The following STRBP variants were observed in gnomAD, a reference collection of about 807,000 sequenced individuals.
STRBP encodes the protein spermatid perinuclear RNA binding protein.
Under a neutral mutation model 80.1 loss-of-function variants are expected in STRBP, and 13 were observed. That is an observed-to-expected ratio of 0.16 (90% confidence interval 0.11 to 0.26). The LOEUF is 0.26. STRBP is among the 10% of genes least tolerant of loss of function. The pLI is 1.00. For synonymous variants in STRBP, 284 were observed against 291.2 expected (o/e 0.98, Z 0.25); for missense variants, 485 against 815.2 (o/e 0.59, Z 4.93).
At chr9:123,202,444 T>C (rs886522566) in intron 2 of STRBP, among the ~76,000 whole-genome samples, 11 of 152,234 alleles carry the variant, frequency 7.2e-5, no homozygotes, top group Non-Finnish European at 1.3e-4. Context: ...AAAATGACTT[T>C]ATTTCTCCTT....
intron 13 of STRBP, among the ~76,000 whole-genome samples, chr9:123,141,914 T>TA (rs2036605783): frequency 6.6e-6 from 1 of 152,212 alleles, no homozygotes; most frequent in Non-Finnish European, 1.5e-5. Context: ...CTGCAACTGA[T>TA]AAAGATTCTC....
At chr9:123,214,100 C>A (rs927027976) in intron 2 of STRBP, among the ~76,000 whole-genome samples, 13 of 150,056 alleles carry the variant, frequency 8.7e-5, no homozygotes, top group Non-Finnish European at 4.4e-5. Flanking sequence ...AAATGCCCAT[C>A]AATCAATGAG....
At chr9:123,132,395 T>G (rs555194390) in intron 17 of STRBP, among the ~76,000 whole-genome samples, 20 of 152,286 alleles carry the variant, frequency 1.3e-4, no homozygotes, top group African/African-American at 4.8e-4. Context: ...ATAAATTTTT[T>G]TTCCTTTGTG....
intron 2 of STRBP, among the ~76,000 whole-genome samples, chr9:123,201,380 T>A (rs2132509729): frequency 6.6e-6 from 1 of 152,358 alleles, no homozygotes; most frequent in Non-Finnish European, 1.5e-5. Context: ...GCTTTTGCTG[T>A]ATCCCAAAGG....
intron 2 of STRBP, among the ~76,000 whole-genome samples, chr9:123,211,115 C>T (rs2000243): frequency 0.38 from 58,308 of 151,890 alleles, 18,226 homozygotes; most frequent in African/African-American, 0.83. Context: ...CTGTTCACAA[C>T]AGCAAAAACC....
intron 4 of STRBP, among the ~76,000 whole-genome samples, chr9:123,176,837 T>G (rs911715520): frequency 1.4e-4 from 22 of 152,210 alleles, no homozygotes; most frequent in African/African-American, 5.3e-4. Context: ...TTACTATATG[T>G]GAATTTAAAA....
intron 17 of STRBP, 142 bp from the exon 18 acceptor site, chr9:123,128,400 T>TA: frequency 1.1e-6 from 1 of 906,484 alleles, no homozygotes; most frequent in Non-Finnish European, 1.8e-6. Context: ...ACTGCCAGAA[T>TA]GGTCCCAGTC....
chr9:123,225,128 C>T (rs1317424870), intron 2 of STRBP, among the ~76,000 whole-genome samples: 1 of 152,092 alleles, frequency 6.6e-6, no homozygotes, highest in African/African-American at 2.4e-5. Flanking sequence ...CTAGTCAAAA[C>T]CAGTGATTCA....
intron 2 of STRBP, among the ~76,000 whole-genome samples, chr9:123,201,442 T>C (rs2039322477): frequency 6.6e-6 from 1 of 152,320 alleles, no homozygotes; most frequent in East Asian, 1.9e-4. Context: ...TTTTAAAATT[T>C]CCATCTTGGT....
intron 1 of STRBP, among the ~76,000 whole-genome samples, chr9:123,247,497 G>A (rs957475613): frequency 6.6e-6 from 1 of 152,116 alleles, no homozygotes; most frequent in Non-Finnish European, 1.5e-5. Flanking sequence ...TCGAACTCCA[G>A]ACCTCAGGTG....
chr9:123,160,049 G>C (rs540212922), intron 8 of STRBP, among the ~76,000 whole-genome samples: 1 of 152,142 alleles, frequency 6.6e-6, no homozygotes, highest in African/African-American at 2.4e-5. Flanking sequence ...GTGGGCAGCA[G>C]GTGAACACTA....
chr9:123,131,110 C>G (rs1389110844), intron 17 of STRBP, among the ~76,000 whole-genome samples: 1 of 152,128 alleles, frequency 6.6e-6, no homozygotes, highest in Non-Finnish European at 1.5e-5. Context: ...ATGCTAGAAC[C>G]ATTTGAACTC....
chr9:123,157,127 G>A (rs1178011454), intron 11 of STRBP, among the ~76,000 whole-genome samples: 3 of 152,120 alleles, frequency 2.0e-5, no homozygotes, highest in Non-Finnish European at 4.4e-5. Flanking sequence ...TGGAACCCAG[G>A]TCATACTGAG....
rs1349693950 is a variant in STRBP, at chr9:123,126,074, C to T, written c.1943-401G>A. Among the ~76,000 whole-genome samples, 1 of 152,238 alleles carries T rather than the reference C, an allele frequency of 6.6e-6. No homozygotes were observed. The highest frequency in any genetic ancestry group is 6.5e-5 in the Admixed American group (1 of 15,290). ...TTCAAAGCATAGCTTTCCATGCAGA[C>T]CTCAGCTCCAGCTGGAGCCATGGCC... On this transcript the variant is annotated intron_variant, in intron 18 of 18. Transcript: ENST00000348403. This position sits in a 1 kb window ranked among gnomAD's most constrained non-coding sequence, Gnocchi z 4.4.
At chr9:123,158,290 T>C in intron 10 of STRBP, 42 bp downstream of exon 10, 1 of 1,596,978 alleles carries the variant, frequency 6.3e-7, no homozygotes, top group Non-Finnish European at 8.6e-7. Flanking sequence ...TTAAGTTATG[T>C]TATTTCACTA....
At position 123,191,269 on chromosome 9, in the gene STRBP, G is replaced by T. The variant is rs183805362; in HGVS notation, c.-164-6971C>A. Among the ~76,000 whole-genome samples the T allele has an allele frequency of 5.5e-3, 835 of 152,238 alleles. 33 individuals are homozygous for T. Among genetic ancestry groups the T allele is most frequent in the Admixed American group, 0.05 (760 of 15,284 alleles). The stretch of plus-strand genomic sequence containing the variant: ...GGTGGCACCTAAGCAAAGACTTGAT[G>T]GGGTTAACAGCCATGCAGATGTCTA... On this transcript the variant is annotated intron_variant, in intron 2 of 18. Transcript: ENST00000348403.
At chr9:123,201,251 T>A (rs1184015489) in intron 2 of STRBP, among the ~76,000 whole-genome samples, 1 of 152,150 alleles carries the variant, frequency 6.6e-6, no homozygotes, top group African/African-American at 2.4e-5. Context: ...CTTTGTTACT[T>A]CTTCTTCTAG....
At chr9:123,141,376 A>G (rs1292315266) in intron 13 of STRBP, among the ~76,000 whole-genome samples, 1 of 152,234 alleles carries the variant, frequency 6.6e-6, no homozygotes, top group Non-Finnish European at 1.5e-5. Flanking sequence ...CTTAAGTTCT[A>G]AAAGTGCTCA....
At chr9:123,210,567 T>A (rs1410248771) in intron 2 of STRBP, among the ~76,000 whole-genome samples, 5 of 152,158 alleles carry the variant, frequency 3.3e-5, no homozygotes, top group African/African-American at 1.2e-4. Context: ...GCGCAGTGGC[T>A]CACGCCTGTA....
Sources: allele counts gnomAD v4.1 joint callset (sites outside exome capture counted in the v4.1 genomes callset), GRCh38; gene constraint gnomAD v4.1.1; non-coding constraint Gnocchi (gnomAD v3.1); transcripts MANE v1.5; gene names NCBI Gene and HGNC (gene_info 2026-07-23, HGNC 2026-07-21).